Variants in NCKAP5 observed in about 807,000 individuals in gnomAD.
The protein encoded by NCKAP5 is nck-associated protein 5.
A neutral mutation model predicts 167.0 loss-of-function variants in NCKAP5; 92 were observed. That is an observed-to-expected ratio of 0.55 (90% CI 0.47 to 0.66). The LOEUF is 0.66. Among genes scored for constraint, NCKAP5 ranks in the 30% least tolerant of loss-of-function variants. NCKAP5 has a pLI of 0.00. For synonymous variants in NCKAP5, 891 were observed against 877.4 expected (o/e 1.02, Z -0.27); for missense variants, 2,378 against 2,315.0 (o/e 1.03, Z -0.56).
intron 5 of NCKAP5, among the ~76,000 whole-genome samples, chr2:133,203,404 C>T (rs1045017156): frequency 5.9e-5 from 9 of 151,606 alleles, no homozygotes; most frequent in East Asian, 1.9e-4. Context: ...GTGGGGGAAG[C>T]GGGGAGGAAT....
At chr2:133,416,952 C>T (rs1331594900) in intron 3 of NCKAP5, among the ~76,000 whole-genome samples, 2 of 152,130 alleles carry the variant, frequency 1.3e-5, no homozygotes, top group African/African-American at 4.8e-5. Flanking sequence ...GTCTTGCACG[C>T]ATCTGAGGGT....
intron 6 of NCKAP5, among the ~76,000 whole-genome samples, chr2:133,040,059 T>A (rs1264496368): frequency 1.3e-5 from 2 of 152,028 alleles, no homozygotes; most frequent in Non-Finnish European, 2.9e-5. Flanking sequence ...AGAATTAACA[T>A]CCTAAACATT....
At chr2:133,344,156 C>T (rs978175504) in intron 3 of NCKAP5, among the ~76,000 whole-genome samples, 1 of 152,000 alleles carries the variant, frequency 6.6e-6, no homozygotes, top group African/African-American at 2.4e-5. Flanking sequence ...GCCTGTAATC[C>T]CAGCACTTTG....
At chr2:133,169,688 C>T (rs2149983050) in intron 5 of NCKAP5, among the ~76,000 whole-genome samples, 1 of 152,244 alleles carries the variant, frequency 6.6e-6, no homozygotes, top group South Asian at 2.1e-4. Flanking sequence ...GAGCCCACAC[C>T]CGCACACACA....
intron 3 of NCKAP5, among the ~76,000 whole-genome samples, chr2:133,373,185 G>A (rs1003101566): frequency 2.6e-5 from 4 of 152,002 alleles, no homozygotes; most frequent in Admixed American, 1.3e-4. Context: ...TCAGCCCCCC[G>A]AGTAGCTGGA....
intron 3 of NCKAP5, among the ~76,000 whole-genome samples, chr2:133,418,368 T>A (rs1424710670): frequency 2.0e-5 from 3 of 152,140 alleles, no homozygotes; most frequent in Non-Finnish European, 2.9e-5. Flanking sequence ...TTCTACCTCA[T>A]AGGATGGCTT....
chr2:133,385,217 T>A (rs1686851547), intron 3 of NCKAP5, among the ~76,000 whole-genome samples: 1 of 152,208 alleles, frequency 6.6e-6, no homozygotes, highest in South Asian at 2.1e-4. Flanking sequence ...TTGAGATACA[T>A]CCCATCAACA....
intron 16 of NCKAP5, among the ~76,000 whole-genome samples, chr2:132,744,563 C>T (rs1215604551): frequency 6.7e-6 from 1 of 149,320 alleles, no homozygotes. Context: ...TTTTAAGAAA[C>T]TAGAAAAATA....
At chr2:133,527,185 G>A (rs757265474) in intron 2 of NCKAP5, 1 of 152,146 alleles carries the variant, frequency 6.6e-6, no homozygotes, top group Non-Finnish European at 1.5e-5. Flanking sequence ...TGCAAAGCCT[G>A]CTGAGAGACA....
chr2:132,810,791 GT>G (rs1202094568), intron 11 of NCKAP5, among the ~76,000 whole-genome samples: 1 of 152,116 alleles, frequency 6.6e-6, no homozygotes, highest in African/African-American at 2.4e-5. Context: ...TTTCTTCTTG[GT>G]TTGGATCCAT....
intron 6 of NCKAP5, among the ~76,000 whole-genome samples, chr2:133,102,510 A>G (rs959438391): frequency 3.9e-5 from 6 of 151,948 alleles, no homozygotes; most frequent in South Asian, 2.1e-4. Context: ...TCAGGGAAGG[A>G]AAAAGGGAAG....
At chr2:133,011,706 C>T (rs1384705791) in intron 6 of NCKAP5, among the ~76,000 whole-genome samples, 1 of 152,188 alleles carries the variant, frequency 6.6e-6, no homozygotes, top group Non-Finnish European at 1.5e-5. Context: ...CACATCAATA[C>T]AGAAGAAGGA....
intron 2 of NCKAP5, among the ~76,000 whole-genome samples, chr2:133,534,783 A>G (rs1685630196): frequency 1.3e-5 from 2 of 152,212 alleles, no homozygotes; most frequent in Non-Finnish European, 2.9e-5. Flanking sequence ...CATTTTTGTT[A>G]AAACACTCCT....
At chr2:133,049,493 C>T (rs559957979) in intron 6 of NCKAP5, among the ~76,000 whole-genome samples, 5 of 141,254 alleles carry the variant, frequency 3.5e-5, no homozygotes, top group South Asian at 2.3e-4. Context: ...TGCGGTGAGC[C>T]GAGATCACAC....
chr2:133,376,665 T>G (rs1686167529), intron 3 of NCKAP5, among the ~76,000 whole-genome samples: 1 of 152,178 alleles, frequency 6.6e-6, no homozygotes, highest in Non-Finnish European at 1.5e-5. Context: ...CTTAAACCCT[T>G]CTGGTGACCT....
intron 3 of NCKAP5, among the ~76,000 whole-genome samples, chr2:133,470,578 G>A (rs1679140255): frequency 6.6e-6 from 1 of 152,216 alleles, no homozygotes; most frequent in African/African-American, 2.4e-5. Context: ...ACCTAATCAA[G>A]GCTGGGCAAT....
intron 4 of NCKAP5, among the ~76,000 whole-genome samples, chr2:133,295,705 G>C: frequency 6.6e-6 from 1 of 152,148 alleles, no homozygotes; most frequent in East Asian, 1.9e-4. Context: ...GTGAAAGCCA[G>C]GGATCATCCT....
rs76353342 is a variant in NCKAP5, at chr2:133,248,281, G to A, written c.144-34502C>T. The stretch of plus-strand genomic sequence containing the variant: ...ATTTATTCCTAAATCTACACCCCAC[G>A]CCACAGAAGTTGGGCGTCTTCCACT... On this transcript the variant is annotated intron_variant, in intron 4 of 19. Transcript: ENST00000409261. 4.4e-3 allele frequency among the ~76,000 whole-genome samples: 666 copies of A among 152,276 alleles called. 3 individuals are homozygous for A. The highest frequency in any genetic ancestry group is 0.015 in the African/African-American group (611 of 41,544).
At chr2:133,164,482 C>T (rs2083923080) in intron 5 of NCKAP5, among the ~76,000 whole-genome samples, 2 of 152,190 alleles carry the variant, frequency 1.3e-5, no homozygotes, top group Non-Finnish European at 2.9e-5. Flanking sequence ...AAATGAATTG[C>T]AGAGCACTAA....
Sources: gnomAD v4.1 joint callset for allele counts (sites outside exome capture counted in the v4.1 genomes callset) on GRCh38, gnomAD v4.1.1 for gene constraint, MANE v1.5 for transcripts, NCBI Gene and HGNC (gene_info 2026-07-23, HGNC 2026-07-21) for gene names.